The following TNKS variants were observed in gnomAD, a reference collection of about 807,000 sequenced individuals.
The protein encoded by TNKS is tankyrase, also known as poly [ADP-ribose] polymerase tankyrase-1.
Under a neutral mutation model 135.8 loss-of-function variants are expected in TNKS, and 72 were observed. The observed-to-expected ratio is 0.53, with a 90% confidence interval of 0.44 to 0.64. The LOEUF (loss-of-function observed/expected upper bound fraction) is 0.64, where lower values mean the gene tolerates loss of function less well. Among genes scored for constraint, TNKS ranks in the 30% least tolerant of loss-of-function variants. The pLI is 0.00. For missense variants in TNKS, 1,769 were observed against 1,674.0 expected (o/e 1.06, Z -0.99); for synonymous variants, 849 against 649.3 (o/e 1.31, Z -4.68).
At chr8:9,680,538 A>G (rs916874737) in intron 4 of TNKS, among the ~76,000 whole-genome samples, 187 bp from the exon 5 acceptor site, 3 of 152,232 alleles carry the variant, frequency 2.0e-5, no homozygotes, top group African/African-American at 7.2e-5. Flanking sequence ...ATACCACTAT[A>G]GGGTAATTAA....
At chr8:9,630,621 C>T (rs1330011705) in intron 3 of TNKS, among the ~76,000 whole-genome samples, 3 of 152,114 alleles carry the variant, frequency 2.0e-5, no homozygotes, top group South Asian at 2.1e-4. Flanking sequence ...TAAATTCATG[C>T]TATATAAAAT....
intron 17 of TNKS, chr8:9,741,676 T>C: frequency 1.9e-6 from 1 of 515,676 alleles, no homozygotes; most frequent in Non-Finnish European, 4.1e-6. Context: ...AGATGTTACT[T>C]ACTCTACGTG....
chr8:9,632,582 C>G (rs1248079159), intron 3 of TNKS, among the ~76,000 whole-genome samples: 3 of 152,176 alleles, frequency 2.0e-5, no homozygotes, highest in Non-Finnish European at 2.9e-5. Context: ...TGCTTGAACC[C>G]TATCAGAGAC....
chr8:9,685,236 A>G (rs963731827), intron 5 of TNKS, among the ~76,000 whole-genome samples: 1 of 152,172 alleles, frequency 6.6e-6, no homozygotes, highest in Non-Finnish European at 1.5e-5. Context: ...TGAAGACACC[A>G]TAGAAAAACT....
chr8:9,592,124 A>T (rs1023811813), intron 2 of TNKS, among the ~76,000 whole-genome samples: 1 of 152,188 alleles, frequency 6.6e-6, no homozygotes, highest in African/African-American at 2.4e-5. Flanking sequence ...TATTTCTGAG[A>T]TGACATTGTT....
At chr8:9,575,117 C>G in intron 1 of TNKS, 1 of 965,966 alleles carries the variant, frequency 1.0e-6, no homozygotes, top group Non-Finnish European at 1.2e-6. Flanking sequence ...CACGGAGTCT[C>G]GCTCTGTTGC....
intron 26 of TNKS, chr8:9,772,248 C>A (rs960627178): frequency 2.7e-6 from 1 of 375,780 alleles, no homozygotes; most frequent in Non-Finnish European, 5.3e-6. Context: ...TACAGACTTA[C>A]TTTCAAAGGG....
intron 18 of TNKS, among the ~76,000 whole-genome samples, chr8:9,749,218 C>G (rs543884746): frequency 3.3e-5 from 5 of 152,302 alleles, no homozygotes; most frequent in Admixed American, 1.3e-4. Context: ...TTTAATCAGC[C>G]ACAGTCTTCC....
chr8:9,614,706 A>G (rs1244631721), intron 2 of TNKS, among the ~76,000 whole-genome samples: 1 of 152,172 alleles, frequency 6.6e-6, no homozygotes, highest in Non-Finnish European at 1.5e-5. Flanking sequence ...TTTTTAATAC[A>G]TTCATTGATT....
intron 26 of TNKS, among the ~76,000 whole-genome samples, chr8:9,772,837 G>GTA (rs1173424670): frequency 7.5e-6 from 1 of 132,726 alleles, no homozygotes; most frequent in South Asian, 2.5e-4. Flanking sequence ...GTGTCTGTGT[G>GTA]TGTGTGTGTG....
In TNKS at chr8:9,751,664, C is replaced by T; in HGVS notation, c.2888C>T (p.Thr963Ile). ...IDAMPPEALP[T>I]CFKPQATVVS... The stretch of plus-strand genomic sequence containing the variant: ...GCCATGCCCCCAGAGGCCTTACCTA[C>T]CTGTTTTAAACCTCAGGCTACTGTA... Residue 963 changes from threonine to isoleucine, a missense_variant, in exon 19 of 27, where the codon ACC becomes ATC. Physicochemically the swap from Thr to Ile is moderately conservative, Grantham distance 89 (BLOSUM62 -1). Around this residue, in one of 5 missense-constraint regions of TNKS, gnomAD observed 722 missense variants for 688.9 expected, o/e 1.05. Transcript: ENST00000310430. The T allele has an allele frequency of 1.2e-6, 2 of 1,614,174 alleles. No homozygotes were observed. The highest frequency in any genetic ancestry group is 1.1e-5 in the South Asian group (1 of 91,074).
At chr8:9,565,306 G>C (rs537140158) in intron 1 of TNKS, among the ~76,000 whole-genome samples, 2 of 152,108 alleles carry the variant, frequency 1.3e-5, no homozygotes, top group Non-Finnish European at 2.9e-5. Context: ...TTTTGGAAGA[G>C]GGAAAATAAC....
rs915241123 is a variant in TNKS, at chr8:9,604,821, G to C, written c.899-10761G>C. 6.6e-5 allele frequency among the ~76,000 whole-genome samples: 10 copies of C among 151,280 alleles called. 1 individual carries two copies. The highest frequency in any genetic ancestry group is 2.4e-4 in the African/African-American group (10 of 41,334). On this transcript the variant is annotated intron_variant, in intron 2 of 26. Transcript: ENST00000310430. ...TTCTTTTCTTCTAAGACTAATTGCA[G>C]CATGTTAGGCCTTTTAGTTTCCATC...
At chr8:9,761,034 C>G (rs1235908693) in intron 20 of TNKS, among the ~76,000 whole-genome samples, 1 of 152,212 alleles carries the variant, frequency 6.6e-6, no homozygotes, top group Non-Finnish European at 1.5e-5. Context: ...TTTCTTAGCA[C>G]TGAGAAGTTC....
rs568973384 is a variant in TNKS, at chr8:9,725,593, T to C, written c.1922-1048T>C. 1.4e-4 allele frequency among the ~76,000 whole-genome samples: 21 copies of C among 152,298 alleles called. No individual in the cohort carries two copies. In the East Asian group the frequency reaches 4.1e-3, roughly 29 times the overall value. On this transcript the variant is annotated intron_variant, in intron 12 of 26. Transcript: ENST00000310430. ...CTCTGATCATAAGATAATACAATCT[T>C]AGATCTGAAAGATTTTCAGCACTCA...
At chr8:9,612,008 A>G (rs1799481894) in intron 2 of TNKS, among the ~76,000 whole-genome samples, 1 of 152,160 alleles carries the variant, frequency 6.6e-6, no homozygotes, top group Non-Finnish European at 1.5e-5. Context: ...AATATTTTAG[A>G]TCGTAATGCT....
Position 9,706,684 on chromosome 8 carries a change from T to C in TNKS, c.1270-127T>C, listed in dbSNP as rs965394612. 5 of 818,924 alleles carry C rather than the reference T, an allele frequency of 6.1e-6. No homozygotes were observed. In the East Asian group the frequency reaches 9.1e-5, roughly 15 times the overall value. 50.7% of individuals were successfully genotyped at this position (818,924 alleles called of 1,614,324 possible). The stretch of plus-strand genomic sequence containing the variant: ...TTTCAGCTGTTTTTGAAAGGTGATA[T>C]TGAAGAAATTAAAACACTTATTTGA... On this transcript the variant is annotated intron_variant, in intron 7 of 26. Coordinates refer to ENST00000310430, the MANE Select transcript of TNKS (RefSeq NM_003747.3).
chr8:9,649,797 A>G (rs1226180309), intron 3 of TNKS, among the ~76,000 whole-genome samples: 1 of 151,466 alleles, frequency 6.6e-6, no homozygotes, highest in African/African-American at 2.4e-5. Flanking sequence ...TACAAATGCC[A>G]TTATTTCATT....
At chr8:9,707,925 G>C (rs1297191388) in intron 8 of TNKS, among the ~76,000 whole-genome samples, 1 of 152,162 alleles carries the variant, frequency 6.6e-6, no homozygotes, top group East Asian at 1.9e-4. Context: ...CAAGAGTAGT[G>C]ACAATACCAA....
Sources: allele counts gnomAD v4.1 joint callset (sites outside exome capture counted in the v4.1 genomes callset), GRCh38; gene constraint gnomAD v4.1.1; regional missense constraint gnomAD v4.1.1; transcripts MANE v1.5; gene names NCBI Gene and HGNC (gene_info 2026-07-23, HGNC 2026-07-21).